The following GRIK1 variants were observed in gnomAD, a reference collection of about 807,000 sequenced individuals.
GRIK1 encodes glutamate receptor ionotropic, kainate 1.
In GRIK1, 69 loss-of-function variants were observed where a neutral mutation model predicts 105.7. The observed-to-expected ratio is 0.65, with a 90% CI of 0.54 to 0.80. GRIK1 has a LOEUF of 0.80. GRIK1 is among the 30% of genes least tolerant of loss of function. GRIK1 has a pLI of 0.00. For synonymous variants in GRIK1, 438 were observed against 431.3 expected, an observed-to-expected ratio of 1.02 and a Z score of -0.19; for missense variants, 1,109 against 1,167.3, an observed-to-expected ratio of 0.95 and a Z score of 0.73.
At chr21:29,660,680 CT>C (rs771466926) in intron 4 of GRIK1, among the ~76,000 whole-genome samples, 1 of 152,138 alleles carries the variant, frequency 6.6e-6, no homozygotes, top group Admixed American at 6.5e-5. Context: ...TTTATTACTG[CT>C]TTTTTTCCAT....
intron 14 of GRIK1, among the ~76,000 whole-genome samples, chr21:29,564,745 G>A (rs1285790364): frequency 2.6e-5 from 4 of 152,204 alleles, no homozygotes; most frequent in African/African-American, 7.2e-5. Context: ...GACTCACTCT[G>A]TGAGTATTCA....
intron 1 of GRIK1, among the ~76,000 whole-genome samples, chr21:29,915,970 C>A (rs896569849): frequency 6.6e-6 from 1 of 151,966 alleles, no homozygotes; most frequent in Non-Finnish European, 1.5e-5. Flanking sequence ...CAAGCCCACA[C>A]CTTAACAGTC....
At chr21:29,785,455 T>C (rs1248700745) in intron 1 of GRIK1, among the ~76,000 whole-genome samples, 1 of 150,014 alleles carries the variant, frequency 6.7e-6, no homozygotes, top group East Asian at 2.0e-4. Context: ...TCCCAGCTAC[T>C]CGGGAGGTTG....
intron 1 of GRIK1, among the ~76,000 whole-genome samples, chr21:29,766,071 G>C (rs544780411): frequency 2.6e-5 from 4 of 152,014 alleles, no homozygotes; most frequent in African/African-American, 9.7e-5. Flanking sequence ...GGTTGGTCTC[G>C]ATCTCCTGAC....
chr21:29,574,462 C>T (rs1252423667), intron 14 of GRIK1, among the ~76,000 whole-genome samples: 2 of 152,138 alleles, frequency 1.3e-5, no homozygotes, highest in East Asian at 1.9e-4. Context: ...CTTGCCAGTG[C>T]CCCTCTGTCC....
intron 1 of GRIK1, among the ~76,000 whole-genome samples, chr21:29,848,024 T>A (rs1331982732): frequency 1.3e-5 from 2 of 151,848 alleles, no homozygotes; most frequent in Non-Finnish European, 2.9e-5. Context: ...TTATACTCTC[T>A]CAGTTACCCA....
At chr21:29,792,091 A>G (rs996870219) in intron 1 of GRIK1, among the ~76,000 whole-genome samples, 1 of 152,124 alleles carries the variant, frequency 6.6e-6, no homozygotes, top group Non-Finnish European at 1.5e-5. Context: ...TTGGAAACTG[A>G]CTGTTATGTG....
intron 1 of GRIK1, among the ~76,000 whole-genome samples, chr21:29,807,149 C>T (rs1354311869): frequency 6.6e-6 from 1 of 152,164 alleles, no homozygotes; most frequent in African/African-American, 2.4e-5. Flanking sequence ...CTCAACAATT[C>T]TTCAAGGGAT....
chr21:29,707,449 TCCCTCCCTC>T (rs2063939922), intron 1 of GRIK1, among the ~76,000 whole-genome samples: 1 of 38,936 alleles, frequency 2.6e-5, no homozygotes, highest in African/African-American at 9.4e-5. Context: ...CCTCCCTCCC[TCCCTCCCTC>T]CCTCCCTCCC....
At chr21:29,590,456 T>C (rs1054100847) in intron 10 of GRIK1, among the ~76,000 whole-genome samples, 1 of 152,058 alleles carries the variant, frequency 6.6e-6, no homozygotes, top group Non-Finnish European at 1.5e-5. Flanking sequence ...AGGGCACTAA[T>C]AGGAGGCAGG....
chr21:29,888,577 T>C (rs2069767335), intron 1 of GRIK1, among the ~76,000 whole-genome samples: 1 of 152,046 alleles, frequency 6.6e-6, no homozygotes, highest in Admixed American at 6.6e-5. Flanking sequence ...GCCTAGCCCC[T>C]CCCTTCTTAA....
At chr21:29,813,655 C>G (rs1367271221) in intron 1 of GRIK1, among the ~76,000 whole-genome samples, 2 of 152,062 alleles carry the variant, frequency 1.3e-5, no homozygotes, top group Non-Finnish European at 2.9e-5. Flanking sequence ...AAGAATGGGA[C>G]ATTCAATATA....
At chr21:29,604,373 C>T (rs1294622977) in intron 7 of GRIK1, among the ~76,000 whole-genome samples, 1 of 152,116 alleles carries the variant, frequency 6.6e-6, no homozygotes, top group Non-Finnish European at 1.5e-5. Context: ...GCACAATTAC[C>T]CATGTCTTCC....
intron 1 of GRIK1, among the ~76,000 whole-genome samples, chr21:29,773,808 C>A (rs2065873636): frequency 6.6e-6 from 1 of 152,194 alleles, no homozygotes; most frequent in African/African-American, 2.4e-5. Flanking sequence ...TTCACAGGGG[C>A]TTGCATGTAT....
chr21:29,674,613 T>C (rs555606591), intron 3 of GRIK1, among the ~76,000 whole-genome samples: 20 of 152,214 alleles, frequency 1.3e-4, no homozygotes, highest in African/African-American at 4.6e-4. Flanking sequence ...GAGTGAATTC[T>C]CATGAGATCT....
At chr21:29,738,392 G>T (rs191616163) in intron 1 of GRIK1, among the ~76,000 whole-genome samples, 1 of 152,186 alleles carries the variant, frequency 6.6e-6, no homozygotes, top group Non-Finnish European at 1.5e-5. Flanking sequence ...AGTTTTTGAG[G>T]TGTTACCTCC....
chr21:29,836,281 G>C (rs988358757), intron 1 of GRIK1, among the ~76,000 whole-genome samples: 1 of 152,070 alleles, frequency 6.6e-6, no homozygotes, highest in Non-Finnish European at 1.5e-5. Flanking sequence ...CATTCTCTTG[G>C]GGCCAAGTAG....
At chr21:29,599,810 A>C (rs1407232958) in intron 7 of GRIK1, among the ~76,000 whole-genome samples, 2 of 152,070 alleles carry the variant, frequency 1.3e-5, no homozygotes. Flanking sequence ...CAAACAAACA[A>C]ACAAAAAGGG....
At chr21:29,712,611 T>C (rs2064084375) in intron 1 of GRIK1, among the ~76,000 whole-genome samples, 1 of 152,188 alleles carries the variant, frequency 6.6e-6, no homozygotes, top group Admixed American at 6.5e-5. Context: ...TCATATTACA[T>C]TGATTATTAA....
Sources: allele counts gnomAD v4.1 joint callset (sites outside exome capture counted in the v4.1 genomes callset), GRCh38; gene constraint gnomAD v4.1.1; transcripts MANE v1.5; gene names NCBI Gene and HGNC (gene_info 2026-07-23, HGNC 2026-07-21).